DDR2: variants seen among roughly 807,000 people sequenced by gnomAD.
DDR2 encodes discoidin domain receptor tyrosine kinase 2.
DDR2 carries 27 observed loss-of-function variants against 94.9 expected under a neutral mutation model. The ratio of observed to expected loss-of-function variants is 0.28; its 90% CI spans 0.21 to 0.39. DDR2 has a LOEUF of 0.39. Among genes scored for constraint, DDR2 ranks in the 10% least tolerant of loss-of-function variants. The pLI, the probability that DDR2 is intolerant of heterozygous loss-of-function variation, is 1.00. For synonymous variants in DDR2, 382 were observed against 377.2 expected (o/e 1.01, Z -0.15); for missense variants, 783 against 1,076.0 (o/e 0.73, Z 3.81).
At chr1:162,631,696 G>T (rs949584351), upstream of DDR2, among the ~76,000 whole-genome samples, 7 of 152,104 alleles carry the variant, frequency 4.6e-5, no homozygotes, top group Admixed American at 3.3e-4. Context: ...TTGCCTACCC[G>T]CCCCTTTCAC....
chr1:162,724,022 G>A (rs1661539573), intron 3 of DDR2, among the ~76,000 whole-genome samples: 1 of 152,180 alleles, frequency 6.6e-6, no homozygotes, highest in Non-Finnish European at 1.5e-5. Context: ...ATGTCAGTGA[G>A]TTCTTAGGGT....
chr1:162,775,903 A>G (rs747472616), intron 15 of DDR2, 60 bp downstream of exon 15: 15 of 1,601,490 alleles, frequency 9.4e-6, no homozygotes, highest in Non-Finnish European at 1.3e-5. Context: ...TGGGATCTGA[A>G]AATAGGGAGC....
intron 2 of DDR2, among the ~76,000 whole-genome samples, chr1:162,679,637 T>C (rs1659303297): frequency 1.3e-5 from 2 of 152,234 alleles, no homozygotes; most frequent in African/African-American, 4.8e-5. Context: ...GAACAATTTA[T>C]AGCCCTTTGG....
At chr1:162,642,854 C>A (rs547334963) in intron 1 of DDR2, among the ~76,000 whole-genome samples, 1 of 152,210 alleles carries the variant, frequency 6.6e-6, no homozygotes, top group Non-Finnish European at 1.5e-5. Context: ...CTTATTTGAA[C>A]ATTCAGTGTT....
intron 3 of DDR2, among the ~76,000 whole-genome samples, chr1:162,746,009 T>A (rs964067152): frequency 2.6e-5 from 4 of 152,162 alleles, no homozygotes; most frequent in Admixed American, 2.6e-4. Context: ...AACTTTTTGT[T>A]AGATGGCTGA....
intron 3 of DDR2, among the ~76,000 whole-genome samples, chr1:162,735,442 C>A (rs925213820): frequency 6.6e-6 from 1 of 152,132 alleles, no homozygotes; most frequent in Non-Finnish European, 1.5e-5. Context: ...TTTGCTACCC[C>A]CTCCCAGCAA....
rs916618371 is a variant in DDR2 at position 162,703,134 on chromosome 1, T to C, written c.-27-15903T>C. ...GTCATAGCTTGGGATAGAGAGTATA[T>C]GCAGTTTGTTCAGAAGTATATAAGG... On this transcript the variant is annotated intron_variant, in intron 2 of 17. Coordinates refer to ENST00000367921, the MANE Select transcript of DDR2 (RefSeq NM_006182.4). Among the ~76,000 whole-genome samples the C allele has an allele frequency of 4.6e-5, 7 of 152,196 alleles. No homozygotes were observed. In the East Asian group the frequency reaches 9.6e-4, roughly 21 times the overall value.
chr1:162,773,955 C>T (rs1647373800), intron 14 of DDR2, among the ~76,000 whole-genome samples: 1 of 152,220 alleles, frequency 6.6e-6, no homozygotes, highest in Non-Finnish European at 1.5e-5. Flanking sequence ...ACAAAGTCTT[C>T]AGAATCACAC....
At chr1:162,746,961 A>G (rs1662900920) in intron 3 of DDR2, among the ~76,000 whole-genome samples, 2 of 152,220 alleles carry the variant, frequency 1.3e-5, no homozygotes, top group African/African-American at 4.8e-5. Flanking sequence ...AGAGAAAGGA[A>G]TAGCATCAAC....
At chr1:162,650,173 C>T (rs996307857) in intron 1 of DDR2, among the ~76,000 whole-genome samples, 3 of 152,172 alleles carry the variant, frequency 2.0e-5, no homozygotes, top group Admixed American at 1.3e-4. Flanking sequence ...ACCAACCCTT[C>T]TCTTGAATGC....
chr1:162,710,185 C>T (rs193295250), intron 2 of DDR2, among the ~76,000 whole-genome samples: 38 of 152,288 alleles, frequency 2.5e-4, no homozygotes, highest in African/African-American at 8.9e-4. Flanking sequence ...CCTACAAACT[C>T]TAGCATCTCA....
Position 162,761,278 on chromosome 1 carries a change from C to T in DDR2, c.923C>T (p.Ser308Phe). Reference sequence around the variant, plus strand: ...AAGGAGGTACAGTGCTACTTCCGCTCTGAAGCCAGTGAGTGGGAACCTAAT... The same window carrying T: ...AAGGAGGTACAGTGCTACTTCCGCTTTGAAGCCAGTGAGTGGGAACCTAAT... ...IFKEVQCYFR[S>F]EASEWEPNAI... Residue 308 changes from serine (S) to phenylalanine (F), a missense_variant, in exon 9 of 18, where the codon TCT becomes TTT. Around this residue, in one of 2 missense-constraint regions of DDR2, gnomAD observed 519 missense variants for 647.9 expected, o/e 0.80. Coordinates refer to ENST00000367921, the MANE Select transcript of DDR2 (RefSeq NM_006182.4). 1.2e-6 allele frequency: 2 copies of T among 1,614,202 alleles called. No homozygotes were observed. The highest frequency in any genetic ancestry group is 8.5e-7 in the Non-Finnish European group (1 of 1,180,038).
At chr1:162,658,661 A>C (rs1293610429) in intron 2 of DDR2, among the ~76,000 whole-genome samples, 1 of 126,714 alleles carries the variant, frequency 7.9e-6, no homozygotes, top group Admixed American at 7.8e-5. Flanking sequence ...CCTTGTCTGT[A>C]CAAAAAAAAA....
intron 16 of DDR2, among the ~76,000 whole-genome samples, chr1:162,777,181 A>G (rs1314805387): frequency 6.6e-6 from 1 of 152,142 alleles, no homozygotes; most frequent in Non-Finnish European, 1.5e-5. Context: ...GATAACCACT[A>G]TCAATACTTT....
intron 11 of DDR2, among the ~76,000 whole-genome samples, chr1:162,769,049 A>T (rs915296359): frequency 2.0e-5 from 3 of 152,208 alleles, no homozygotes. Context: ...CAAGGGGGAA[A>T]GTCTGTGTTC....
chr1:162,741,159 GAATAT>G lies in DDR2; in HGVS notation c.83-11913_83-11909del, dbSNP rs531538134. On this transcript the variant is annotated intron_variant, in intron 3 of 17. Coordinates refer to ENST00000367921, the MANE Select transcript of DDR2 (RefSeq NM_006182.4). Reference sequence around the variant, plus strand: ...CAGATTTCAGAATTCTTGGACTTTGGAATATAATATAATATAATATAATATAACAT... The same window carrying G: ...CAGATTTCAGAATTCTTGGACTTTGGAATATAATATAATATAATATAACAT... Among the ~76,000 whole-genome samples the G allele has an allele frequency of 6.2e-3, 875 of 140,788 alleles. 17 individuals carry two copies. The highest frequency in any genetic ancestry group is 0.022 in the African/African-American group (802 of 36,690). 92.4% of individuals were successfully genotyped at this position (140,788 alleles called of 152,430 possible).
chr1:162,763,709 C>G (rs989040433), intron 9 of DDR2, among the ~76,000 whole-genome samples: 2 of 151,828 alleles, frequency 1.3e-5, no homozygotes, highest in Non-Finnish European at 1.5e-5. Context: ...TAGGGATGCT[C>G]ATTACTAATA....
rs967221204 is a variant in DDR2 at position 162,760,425 on chromosome 1, T to C, written c.855+446T>C. 1.3e-4 allele frequency among the ~76,000 whole-genome samples: 20 copies of C among 149,228 alleles called. No individual in the cohort carries two copies. In the East Asian group the frequency reaches 3.4e-3, roughly 25 times the overall value. On this transcript the variant is annotated intron_variant, in intron 8 of 17. Coordinates refer to ENST00000367921, the MANE Select transcript of DDR2 (RefSeq NM_006182.4). ...ATATATACACAATGATATATATATA[T>C]ACACAACTACATATATATAACCATA...
rs1664198847 is a variant in DDR2, at chr1:162,770,284, C to T, written c.1294-18C>T. 6.2e-7 allele frequency: 1 copy of T among 1,613,254 alleles called. No homozygotes were observed. Among genetic ancestry groups the T allele is most frequent in the Middle Eastern group, 1.6e-4 (1 of 6,062 alleles). ...TCTTTTGTGCCAACATGCCTTTCTC[C>T]TTGCTCTTCTCTTCCAGGCTTCTCG... On this transcript the variant is annotated intron_variant, in intron 11 of 17. Transcript: ENST00000367921.
Sources: gnomAD v4.1 joint callset for allele counts (sites outside exome capture counted in the v4.1 genomes callset) on GRCh38, gnomAD v4.1.1 for gene constraint, gnomAD v4.1.1 regional missense constraint, MANE v1.5 for transcripts, NCBI Gene and HGNC (gene_info 2026-07-23, HGNC 2026-07-21) for gene names.